The following SLC45A1 variants were observed in gnomAD, a reference collection of about 807,000 sequenced individuals.
The protein encoded by SLC45A1 is proton-associated sugar transporter A.
In SLC45A1, 28 loss-of-function variants were observed where a neutral mutation model predicts 57.6. The ratio of observed to expected loss-of-function variants is 0.49; its 90% CI spans 0.36 to 0.67. SLC45A1 has a LOEUF of 0.67. Among genes scored for constraint, SLC45A1 ranks in the 30% least tolerant of loss-of-function variants. SLC45A1 has a pLI of 0.00. For missense variants in SLC45A1, 814 were observed against 1,041.5 expected (o/e 0.78, Z 3.01); for synonymous variants, 459 against 471.5 (o/e 0.97, Z 0.34).
intron 7 of SLC45A1, among the ~76,000 whole-genome samples, chr1:8,339,102 C>T (rs570268904): frequency 3.3e-5 from 5 of 152,178 alleles, no homozygotes; most frequent in African/African-American, 9.7e-5. Context: ...TGGCTGGCTA[C>T]GGGATGGGCT....
chr1:8,320,968 G>A (rs58155986), intron 1 of SLC45A1, among the ~76,000 whole-genome samples: 2,044 of 152,200 alleles, frequency 0.013, 47 homozygotes, highest in African/African-American at 0.047. Context: ...GGCGGAGTCC[G>A]ATCCAACCGT....
chr1:8,323,231 G>T (rs568370744), intron 1 of SLC45A1, among the ~76,000 whole-genome samples: 1 of 152,192 alleles, frequency 6.6e-6, no homozygotes, highest in East Asian at 1.9e-4. Flanking sequence ...GGTGGCTCAC[G>T]CCTGTAATCC....
At chr1:8,337,330 C>T (rs954193033) in intron 6 of SLC45A1, among the ~76,000 whole-genome samples, 1 of 152,252 alleles carries the variant, frequency 6.6e-6, no homozygotes, top group Non-Finnish European at 1.5e-5. Flanking sequence ...CCGCCCACGA[C>T]ACACAGGGAT....
In SLC45A1 at chr1:8,328,832, T is replaced by C. The variant is rs1379313700; in HGVS notation, c.716-1377T>C. Reference sequence around the variant, plus strand: ...CCAGCCTGGGCAATAAGAGTGAAACTCCGTCTCAAAGAAAAATAATAAATA... The same window carrying C: ...CCAGCCTGGGCAATAAGAGTGAAACCCCGTCTCAAAGAAAAATAATAAATA... On this transcript the variant is annotated intron_variant, in intron 4 of 8. Coordinates refer to ENST00000471889, the MANE Select transcript of SLC45A1 (RefSeq NM_001080397.3). The surrounding 1 kb of genome is among the most constrained non-coding windows in gnomAD (Gnocchi z 4.6). 6.6e-6 allele frequency among the ~76,000 whole-genome samples: 1 copy of C among 152,094 alleles called. No homozygotes were observed. The highest frequency in any genetic ancestry group is 1.5e-5 in the Non-Finnish European group (1 of 68,030).
chr1:8,341,080 T>A (rs1205554815), intron 8 of SLC45A1, among the ~76,000 whole-genome samples: 1 of 151,504 alleles, frequency 6.6e-6, no homozygotes, highest in Non-Finnish European at 1.5e-5. Context: ...TAGTCCCAGC[T>A]ACTCGGGAGG....
chr1:8,319,342 G>T (rs1009382675), intron 1 of SLC45A1, among the ~76,000 whole-genome samples: 7 of 152,208 alleles, frequency 4.6e-5, no homozygotes, highest in African/African-American at 1.7e-4. Context: ...CCCGTGGGGG[G>T]AGCTCATTTT....
In SLC45A1 at chr1:8,325,806, C is replaced by T. The variant is rs368033330; in HGVS notation, c.491-12C>T. The stretch of plus-strand genomic sequence containing the variant: ...GCATTTTCTTGGGGTGACTTTGTTT[C>T]TCTGTGTCCAGGGGCACTGCTGGGC... On this transcript the variant is annotated splice_polypyrimidine_tract_variant and intron_variant, in intron 3 of 8. Coordinates refer to ENST00000471889, the MANE Select transcript of SLC45A1 (RefSeq NM_001080397.3). This position sits in a 1 kb window ranked among gnomAD's most constrained non-coding sequence, Gnocchi z 6.3. The T allele has an allele frequency of 8.7e-6, 14 of 1,610,572 alleles. No individual in the cohort carries two copies. Among genetic ancestry groups the T allele is most frequent in the African/African-American group, 5.3e-5 (4 of 74,908 alleles).
rs1490056504 is a variant in SLC45A1, at chr1:8,328,568, G to A, written c.716-1641G>A. ...GTAAAGTTCATCTGGGCCGGGCGTG[G>A]TGGCTCATGCATGTACTCCCAGCAC... On this transcript the variant is annotated intron_variant, in intron 4 of 8. Coordinates refer to ENST00000471889, the MANE Select transcript of SLC45A1 (RefSeq NM_001080397.3). This position sits in a 1 kb window ranked among gnomAD's most constrained non-coding sequence, Gnocchi z 4.6. 1.3e-5 allele frequency among the ~76,000 whole-genome samples: 2 copies of A among 152,330 alleles called. No individual in the cohort carries two copies. Among genetic ancestry groups the A allele is most frequent in the East Asian group, 3.9e-4 (2 of 5,180 alleles).
chr1:8,331,832 G>C (rs148803921), intron 5 of SLC45A1, among the ~76,000 whole-genome samples: 1 of 146,174 alleles, frequency 6.8e-6, no homozygotes, highest in Non-Finnish European at 1.5e-5. Flanking sequence ...TCACTCTGTC[G>C]CCCAGGCTGG....
At chr1:8,333,086 C>T (rs188353761) in intron 5 of SLC45A1, among the ~76,000 whole-genome samples, 19 of 152,064 alleles carry the variant, frequency 1.2e-4, no homozygotes, top group Non-Finnish European at 2.5e-4. Context: ...CTGCTCTGCC[C>T]GGCCCCATCC....
chr1:8,325,337 G>A lies in SLC45A1; in HGVS notation c.437G>A (p.Arg146Gln), dbSNP rs151227323. Reference protein sequence around the residue: ...LQPLLGAWSDRCTSRFGRRRP... With the variant: ...LQPLLGAWSDQCTSRFGRRRP... ...CCTCTGTTGGGTGCTTGGAGTGACC[G>A]GTGTACCTCAAGGTTTGGAAGGAGA... is the stretch of plus-strand genomic sequence containing the variant. The change falls in exon 3 of 9, where the codon CGG becomes CAG. Residue 146 changes from arginine (R) to glutamine (Q), a missense_variant. Arg to Gln is a conservative substitution (Grantham distance 43, BLOSUM62 1). Transcript: ENST00000471889. This position sits in a 1 kb window ranked among gnomAD's most constrained non-coding sequence, Gnocchi z 6.3. The A allele has an allele frequency of 1.7e-4, 269 of 1,613,710 alleles. No homozygotes were observed. The highest frequency in any genetic ancestry group is 7.0e-4 in the South Asian group (64 of 91,048).
intron 5 of SLC45A1, among the ~76,000 whole-genome samples, chr1:8,333,354 C>G (rs1021430865): frequency 2.0e-5 from 3 of 151,280 alleles, no homozygotes; most frequent in African/African-American, 7.3e-5. Flanking sequence ...CCAGGCTGGT[C>G]TTGAGCTCCT....
chr1:8,342,873 T>C (rs2124332593), intron 8 of SLC45A1, among the ~76,000 whole-genome samples: 1 of 136,308 alleles, frequency 7.3e-6, no homozygotes, highest in Non-Finnish European at 1.5e-5. Flanking sequence ...CACTCCAGCC[T>C]GGGCAACAGA....
chr1:8,330,713 C>T lies in SLC45A1; in HGVS notation c.1220C>T (p.Ala407Val). ...CCCATCAGCGTCAGCTTCCCCCGGG[C>T]CCCCGACGGCTTCTACCGCCAGGAC... ...RPPISVSFPRAPDGFYRQDRG... is the reference protein window; with the variant it reads ...RPPISVSFPRVPDGFYRQDRG... Residue 407 changes from alanine to valine, a missense_variant, in exon 5 of 9, where the codon GCC (alanine) becomes GTC (valine). Physicochemically the swap from Ala to Val is moderately conservative, Grantham distance 64. Coordinates refer to ENST00000471889, the MANE Select transcript of SLC45A1 (RefSeq NM_001080397.3). This position sits in a 1 kb window ranked among gnomAD's most constrained non-coding sequence, Gnocchi z 8.4. The T allele has an allele frequency of 1.2e-6, 2 of 1,613,142 alleles. No individual in the cohort carries two copies. The highest frequency in any genetic ancestry group is 1.7e-6 in the Non-Finnish European group (2 of 1,179,948).
At chr1:8,320,734 C>CACACACA (rs1553149616) in intron 1 of SLC45A1, among the ~76,000 whole-genome samples, 1 of 149,424 alleles carries the variant, frequency 6.7e-6, no homozygotes, top group African/African-American at 2.5e-5. Flanking sequence ...CACACACACA[C>CACACACA]CTGCCATATG....
chr1:8,322,958 C>A (rs868659539), intron 1 of SLC45A1, among the ~76,000 whole-genome samples: 12 of 152,264 alleles, frequency 7.9e-5, no homozygotes, highest in Admixed American at 5.2e-4. Context: ...TACAAGTGGA[C>A]ATCGGCTAAA....
At position 8,330,744 on chromosome 1, in the gene SLC45A1, A is replaced by G; in HGVS notation, c.1251A>G (p.Gly417=). ...APDGFYRQDR[G]LLEGREGALT... ...ACGGCTTCTACCGCCAGGACCGTGG[A>G]CTTCTGGAGGGCAGAGAGGGTGCCC... The change falls in exon 5 of 9, where the codon GGA becomes GGG. Residue 417 remains glycine, a synonymous_variant. Coordinates refer to ENST00000471889, the MANE Select transcript of SLC45A1 (RefSeq NM_001080397.3). This position sits in a 1 kb window ranked among gnomAD's most constrained non-coding sequence, Gnocchi z 8.4. 3 of 1,613,274 alleles carry G rather than the reference A, an allele frequency of 1.9e-6. No homozygotes were observed. The highest frequency in any genetic ancestry group is 2.5e-6 in the Non-Finnish European group (3 of 1,180,002).
Position 8,330,185 on chromosome 1 carries a change from C to T in SLC45A1, c.716-24C>T. 1.2e-6 allele frequency: 2 copies of T among 1,606,706 alleles called. No individual in the cohort carries two copies. The highest frequency in any genetic ancestry group is 2.2e-5 in the South Asian group (2 of 90,436). ...GGGCTTCTCCTCCCGCAGAAGGGAACTCAAACCCTGTCTCTTTCCCCAGGT... is the reference window on the plus strand; with the variant it reads ...GGGCTTCTCCTCCCGCAGAAGGGAATTCAAACCCTGTCTCTTTCCCCAGGT... On this transcript the variant is annotated intron_variant, in intron 4 of 8. Transcript: ENST00000471889. The surrounding 1 kb of genome is among the most constrained non-coding windows in gnomAD (Gnocchi z 8.4).
chr1:8,320,491 A>G (rs1280900701), intron 1 of SLC45A1, among the ~76,000 whole-genome samples: 1 of 152,136 alleles, frequency 6.6e-6, no homozygotes, highest in Non-Finnish European at 1.5e-5. Flanking sequence ...AAAAAATACA[A>G]GAATTAGCCT....
Sources: allele counts gnomAD v4.1 joint callset (sites outside exome capture counted in the v4.1 genomes callset), GRCh38; gene constraint gnomAD v4.1.1; non-coding constraint Gnocchi (gnomAD v3.1); transcripts MANE v1.5; gene names NCBI Gene and HGNC (gene_info 2026-07-23, HGNC 2026-07-21).